Variants in SNX13 observed in about 807,000 individuals in gnomAD.
The protein encoded by SNX13 is sorting nexin 13.
SNX13 carries 45 observed loss-of-function variants against 133.6 expected under a neutral mutation model. That is an observed-to-expected ratio of 0.34 (90% CI 0.27 to 0.43). The LOEUF is 0.43. SNX13 is among the 20% of genes least tolerant of loss of function. The probability of loss-of-function intolerance (pLI) is 1.00; values close to 1 mark genes in which losing one functional copy is unlikely to be tolerated. For missense variants in SNX13, 1,032 were observed against 1,145.1 expected (o/e 0.90, Z 1.43); for synonymous variants, 414 against 373.9 (o/e 1.11, Z -1.24).
intron 9 of SNX13, among the ~76,000 whole-genome samples, chr7:17,865,377 A>C (rs557819342): frequency 6.6e-6 from 1 of 152,322 alleles, no homozygotes; most frequent in East Asian, 1.9e-4. Flanking sequence ...CAAGAAAAGT[A>C]ATCCCATATA....
At chr7:17,910,052 G>C (rs1477604973) in intron 1 of SNX13, among the ~76,000 whole-genome samples, 2 of 152,118 alleles carry the variant, frequency 1.3e-5, no homozygotes, top group African/African-American at 4.8e-5. Context: ...CTAGAGCAAA[G>C]GTAGAAGACA....
intron 1 of SNX13, among the ~76,000 whole-genome samples, chr7:17,935,959 G>C (rs1221112850): frequency 1.3e-5 from 2 of 152,052 alleles, no homozygotes; most frequent in Non-Finnish European, 2.9e-5. Context: ...AGCACTTATG[G>C]GCAAGACAAC....
chr7:17,830,289 A>G (rs987604195), intron 15 of SNX13: 1 of 984,302 alleles, frequency 1.0e-6, no homozygotes, highest in African/African-American at 1.7e-5. Flanking sequence ...CAAAAATCAA[A>G]AAGGCATTCG....
intron 1 of SNX13, among the ~76,000 whole-genome samples, chr7:17,920,337 C>G (rs957909555): frequency 1.3e-5 from 2 of 152,028 alleles, no homozygotes; most frequent in African/African-American, 4.8e-5. Context: ...TACTACTTAC[C>G]TTATTCTGAC....
intron 20 of SNX13, among the ~76,000 whole-genome samples, chr7:17,811,637 G>C (rs941849217): frequency 6.6e-6 from 1 of 152,032 alleles, no homozygotes; most frequent in African/African-American, 2.4e-5. Context: ...CACAGAATTA[G>C]AAAAAACTAC....
chr7:17,888,813 GTTA>G, intron 5 of SNX13: 2 of 454,982 alleles, frequency 4.4e-6, no homozygotes, highest in Non-Finnish European at 9.0e-6. Context: ...GAACAGGGCA[GTTA>G]TTATTACACT....
At chr7:17,819,841 T>G (rs1787082697) in intron 18 of SNX13, among the ~76,000 whole-genome samples, 1 of 151,998 alleles carries the variant, frequency 6.6e-6, no homozygotes, top group Non-Finnish European at 1.5e-5. Context: ...ATCTAAACAC[T>G]TAGGTAATCA....
chr7:17,826,171 C>T (rs1429896702), intron 16 of SNX13, 80 bp from the exon 17 acceptor site: 2 of 808,402 alleles, frequency 2.5e-6, no homozygotes, highest in African/African-American at 3.5e-5. Flanking sequence ...ATCATATATG[C>T]ATTACAATTA....
At chr7:17,920,589 A>C (rs1263128015) in intron 1 of SNX13, among the ~76,000 whole-genome samples, 2 of 152,218 alleles carry the variant, frequency 1.3e-5, no homozygotes, top group African/African-American at 4.8e-5. Flanking sequence ...TACGTGTCAA[A>C]TTAATAAAAT....
intron 17 of SNX13, among the ~76,000 whole-genome samples, chr7:17,825,661 A>G (rs955897299): frequency 1.3e-5 from 2 of 152,158 alleles, no homozygotes; most frequent in Non-Finnish European, 2.9e-5. Flanking sequence ...CTGACTTTGT[A>G]TATATGAAAA....
chr7:17,815,210 T>G (rs2723504), intron 19 of SNX13, among the ~76,000 whole-genome samples: 3 of 152,126 alleles, frequency 2.0e-5, no homozygotes, highest in African/African-American at 4.8e-5. Context: ...ATTTACTATT[T>G]TATTTTCAGA....
intron 9 of SNX13, among the ~76,000 whole-genome samples, chr7:17,867,858 G>C (rs986350849): frequency 6.6e-6 from 1 of 151,730 alleles, no homozygotes. Flanking sequence ...TAAGGAAAAG[G>C]ATACATTATA....
At chr7:17,874,174 C>T (rs1184597826) in intron 7 of SNX13, among the ~76,000 whole-genome samples, 6 of 152,058 alleles carry the variant, frequency 3.9e-5, no homozygotes, top group Admixed American at 2.6e-4. Flanking sequence ...AGAGTCTGAA[C>T]TGCTCAGGTC....
intron 10 of SNX13, 38 bp from the exon 11 acceptor site, chr7:17,850,473 G>A (rs1791076488): frequency 7.9e-7 from 1 of 1,266,024 alleles, no homozygotes; most frequent in East Asian, 2.6e-5. Flanking sequence ...AAGTGGTAGT[G>A]TTATTTATGA....
chr7:17,860,293 T>G (rs1253184561), intron 9 of SNX13, among the ~76,000 whole-genome samples: 1 of 152,246 alleles, frequency 6.6e-6, no homozygotes, highest in Non-Finnish European at 1.5e-5. Flanking sequence ...GTATAACTTC[T>G]GTGGAGATAC....
chr7:17,845,897 A>C (rs1790464889), intron 11 of SNX13, among the ~76,000 whole-genome samples: 1 of 152,194 alleles, frequency 6.6e-6, no homozygotes, highest in African/African-American at 2.4e-5. Context: ...TAAAAATATT[A>C]ACACATTAAA....
intron 9 of SNX13, among the ~76,000 whole-genome samples, chr7:17,864,065 G>C (rs956463966): frequency 6.6e-6 from 1 of 152,106 alleles, no homozygotes; most frequent in African/African-American, 2.4e-5. Flanking sequence ...AACAAGGATG[G>C]TACAAATAAG....
intron 17 of SNX13, among the ~76,000 whole-genome samples, chr7:17,823,322 T>C (rs1325421890): frequency 6.6e-6 from 1 of 152,226 alleles, no homozygotes; most frequent in Non-Finnish European, 1.5e-5. Context: ...AGTCTAAAAC[T>C]GATCTTGTAA....
At chr7:17,816,918 G>C (rs1246793306) in intron 18 of SNX13, among the ~76,000 whole-genome samples, 2 of 151,930 alleles carry the variant, frequency 1.3e-5, no homozygotes, top group Admixed American at 6.6e-5. Flanking sequence ...CATAATAAAA[G>C]GTTTTAAAAA....
Sources: allele counts gnomAD v4.1 joint callset (sites outside exome capture counted in the v4.1 genomes callset), GRCh38; gene constraint gnomAD v4.1.1; transcripts MANE v1.5; gene names NCBI Gene and HGNC (gene_info 2026-07-23, HGNC 2026-07-21).